ARHGAP15: variants seen among roughly 807,000 people sequenced by gnomAD.
ARHGAP15 encodes rho GTPase-activating protein 15.
Under a neutral mutation model 63.7 loss-of-function variants are expected in ARHGAP15, and 51 were observed. The ratio of observed to expected loss-of-function variants is 0.80; its 90% CI spans 0.64 to 1.01. The LOEUF is 1.01. ARHGAP15 is among the 50% of genes least tolerant of loss of function. The pLI, the probability that ARHGAP15 is intolerant of heterozygous loss-of-function variation, is 0.00. For synonymous variants in ARHGAP15, 191 were observed against 193.8 expected (o/e 0.99, Z 0.12); for missense variants, 560 against 564.6 (o/e 0.99, Z 0.08).
intron 12 of ARHGAP15, among the ~76,000 whole-genome samples, chr2:143,687,159 C>T (rs1429804787): frequency 6.6e-6 from 1 of 152,038 alleles, no homozygotes; most frequent in East Asian, 1.9e-4. Flanking sequence ...AAAACTTTAA[C>T]GGACCTATTT....
At chr2:143,314,207 G>T (rs1341171201) in intron 6 of ARHGAP15, among the ~76,000 whole-genome samples, 2 of 152,090 alleles carry the variant, frequency 1.3e-5, no homozygotes, top group Non-Finnish European at 1.5e-5. Flanking sequence ...CCTACATTCT[G>T]CTAAGGAAGA....
intron 8 of ARHGAP15, among the ~76,000 whole-genome samples, chr2:143,447,885 T>C (rs1690218999): frequency 6.6e-6 from 1 of 152,140 alleles, no homozygotes; most frequent in Non-Finnish European, 1.5e-5. Flanking sequence ...CACTGTCCTG[T>C]TGATGGGTGT....
intron 13 of ARHGAP15, among the ~76,000 whole-genome samples, chr2:143,709,848 T>C (rs546749447): frequency 1.8e-4 from 27 of 152,338 alleles, no homozygotes; most frequent in Non-Finnish European, 1.8e-4. Context: ...TCTGATGTTT[T>C]GGTGGGGAGA....
intron 12 of ARHGAP15, among the ~76,000 whole-genome samples, chr2:143,667,205 T>C (rs1305706544): frequency 6.8e-6 from 1 of 147,956 alleles, no homozygotes; most frequent in Non-Finnish European, 1.5e-5. Context: ...ATTAAGAAAA[T>C]GTGGCACATA....
chr2:143,454,976 C>T (rs1234345353), intron 8 of ARHGAP15, among the ~76,000 whole-genome samples: 1 of 151,948 alleles, frequency 6.6e-6, no homozygotes, highest in African/African-American at 2.4e-5. Flanking sequence ...TCCACATTAA[C>T]AAAGAGAGTT....
intron 3 of ARHGAP15, among the ~76,000 whole-genome samples, chr2:143,205,056 G>A (rs1240361286): frequency 6.6e-6 from 1 of 151,744 alleles, no homozygotes; most frequent in African/African-American, 2.4e-5. Flanking sequence ...TAGGTTGGGA[G>A]TTCAAGACCA....
chr2:143,194,117 A>C (rs1691785561), intron 2 of ARHGAP15, among the ~76,000 whole-genome samples: 1 of 152,178 alleles, frequency 6.6e-6, no homozygotes, highest in African/African-American at 2.4e-5. Context: ...CTTGGTTAGG[A>C]ATAGGTAGAT....
chr2:143,594,945 C>G (rs1697454640), intron 11 of ARHGAP15, among the ~76,000 whole-genome samples: 1 of 152,112 alleles, frequency 6.6e-6, no homozygotes, highest in Admixed American at 6.6e-5. Context: ...CCCCTGCTTA[C>G]ATTGTTCAGT....
intron 13 of ARHGAP15, among the ~76,000 whole-genome samples, chr2:143,713,882 G>A (rs568460494): frequency 3.7e-4 from 57 of 152,282 alleles, no homozygotes; most frequent in African/African-American, 1.3e-3. Context: ...GCTTTGCAGG[G>A]TACAGCCTCC....
chr2:143,231,424 T>C (rs73962379), intron 5 of ARHGAP15, among the ~76,000 whole-genome samples: 5,789 of 152,216 alleles, frequency 0.038, 386 homozygotes, highest in African/African-American at 0.13. Context: ...TATCCAGAAG[T>C]AGCATAAAAT....
intron 12 of ARHGAP15, among the ~76,000 whole-genome samples, chr2:143,669,387 T>G (rs1206404093): frequency 6.6e-6 from 1 of 152,134 alleles, no homozygotes; most frequent in Non-Finnish European, 1.5e-5. Flanking sequence ...TGGAACCCAG[T>G]GAGGAAAGCA....
intron 6 of ARHGAP15, among the ~76,000 whole-genome samples, chr2:143,346,698 T>C (rs1266318638): frequency 6.6e-6 from 1 of 152,108 alleles, no homozygotes. Flanking sequence ...TTGTACCTCT[T>C]TGCAAAAAGA....
At chr2:143,444,311 C>A (rs545628306) in intron 8 of ARHGAP15, among the ~76,000 whole-genome samples, 2 of 152,256 alleles carry the variant, frequency 1.3e-5, no homozygotes, top group South Asian at 4.1e-4. Flanking sequence ...AAAAAAAGAT[C>A]TTTGGTATCC....
chr2:143,595,112 G>A (rs10928188), intron 11 of ARHGAP15, among the ~76,000 whole-genome samples: 118,230 of 152,056 alleles, frequency 0.78, 46,033 homozygotes, highest in Non-Finnish European at 0.79. Context: ...TGGTCCTTCT[G>A]TTTAACCAAA....
At chr2:143,309,836 C>A (rs193031239) in intron 6 of ARHGAP15, among the ~76,000 whole-genome samples, 12 of 150,560 alleles carry the variant, frequency 8.0e-5, no homozygotes, top group South Asian at 6.3e-4. Context: ...ACATTTAGAC[C>A]CCATTTGAGA....
chr2:143,326,031 T>C (rs1002798824), intron 6 of ARHGAP15, among the ~76,000 whole-genome samples: 2 of 152,160 alleles, frequency 1.3e-5, no homozygotes, highest in Admixed American at 6.6e-5. Context: ...AGGCTAATTT[T>C]ATTATTTGCT....
intron 6 of ARHGAP15, among the ~76,000 whole-genome samples, chr2:143,297,971 G>A (rs569842934): frequency 2.1e-4 from 32 of 151,924 alleles, no homozygotes; most frequent in Non-Finnish European, 1.2e-4. Flanking sequence ...CCTTTAGCTC[G>A]GCCCATTCCT....
intron 8 of ARHGAP15, among the ~76,000 whole-genome samples, chr2:143,448,390 GT>G (rs1475204452): frequency 6.6e-6 from 1 of 152,106 alleles, no homozygotes; most frequent in Non-Finnish European, 1.5e-5. Context: ...TGGGGAAAAT[GT>G]GGAGAATGGC....
At chr2:143,394,055 G>A (rs1245858908) in intron 6 of ARHGAP15, among the ~76,000 whole-genome samples, 1 of 152,134 alleles carries the variant, frequency 6.6e-6, no homozygotes, top group Non-Finnish European at 1.5e-5. Context: ...CTTTTCTAAA[G>A]CAAGGCTATT....
Sources: gnomAD v4.1 joint callset for allele counts (sites outside exome capture counted in the v4.1 genomes callset) on GRCh38, gnomAD v4.1.1 for gene constraint, MANE v1.5 for transcripts, NCBI Gene and HGNC (gene_info 2026-07-23, HGNC 2026-07-21) for gene names.